The following ZNF704 variants were observed in gnomAD, a reference collection of about 807,000 sequenced individuals.
ZNF704 encodes the protein zinc finger protein 704.
Under a neutral mutation model 44.7 loss-of-function variants are expected in ZNF704, and 10 were observed. That is an observed-to-expected ratio of 0.22 (90% confidence interval 0.14 to 0.38). The LOEUF (loss-of-function observed/expected upper bound fraction) is 0.38. Ranked by LOEUF, ZNF704 falls within the 10% of genes least tolerant of loss-of-function variation. The probability of loss-of-function intolerance (pLI) is 1.00; values close to 1 mark genes in which losing one functional copy is unlikely to be tolerated. For synonymous variants in ZNF704, 211 were observed against 207.6 expected (o/e 1.02, Z -0.14); for missense variants, 390 against 545.5 (o/e 0.71, Z 2.84).
chr8:80,734,225 GAC>G, intron 2 of ZNF704, among the ~76,000 whole-genome samples: 2 of 152,286 alleles, frequency 1.3e-5, no homozygotes, highest in Middle Eastern at 3.4e-3. Context: ...TTCAGAGAAG[GAC>G]ACAGACTCCA....
chr8:80,873,302 C>A (rs1344528712), intron 1 of ZNF704, among the ~76,000 whole-genome samples: 1 of 152,192 alleles, frequency 6.6e-6, no homozygotes, highest in Non-Finnish European at 1.5e-5. Context: ...AAACCCGACA[C>A]GGCCTTTGAG....
In ZNF704 at chr8:80,775,475, T is replaced by C. The variant is rs1025401688; in HGVS notation, c.221+45899A>G. On this transcript the variant is annotated intron_variant, in intron 2 of 8. Transcript: ENST00000327835. ...CCATGCAAAGTGCCTAAAGGTAAAA[T>C]AAATGATAAAGAAATTTTCAGCAAG... 3.3e-5 allele frequency among the ~76,000 whole-genome samples: 5 copies of C among 152,290 alleles called. No individual in the cohort carries two copies. The South Asian group carries it at 6.2e-4, about 19-fold the overall frequency.
chr8:80,644,957 T>C, intron 7 of ZNF704: 1 of 1,133,460 alleles, frequency 8.8e-7, no homozygotes, highest in Non-Finnish European at 1.3e-6. Flanking sequence ...TCTCGGGTAG[T>C]GGGTGCCGGA....
At chr8:80,771,457 GA>G (rs1476647334) in intron 2 of ZNF704, among the ~76,000 whole-genome samples, 7 of 151,982 alleles carry the variant, frequency 4.6e-5, no homozygotes, top group African/African-American at 1.7e-4. Flanking sequence ...TTTTCTTTGA[GA>G]AATTTTAAAT....
intron 1 of ZNF704, among the ~76,000 whole-genome samples, chr8:80,873,386 C>T: frequency 1.3e-5 from 2 of 151,190 alleles, no homozygotes; most frequent in South Asian, 4.1e-4. Context: ...CTCGCGCTGC[C>T]CCGCGCGGCC....
chr8:80,683,878 C>T (rs73692001), intron 4 of ZNF704, among the ~76,000 whole-genome samples: 1,614 of 152,292 alleles, frequency 0.011, 34 homozygotes, highest in African/African-American at 0.036. Flanking sequence ...GGGAGTGAGC[C>T]ATCTCTGTGT....
intron 1 of ZNF704, among the ~76,000 whole-genome samples, chr8:80,838,933 G>T (rs1161211023): frequency 6.6e-6 from 1 of 152,198 alleles, no homozygotes; most frequent in Non-Finnish European, 1.5e-5. Context: ...GAAACAGAGG[G>T]CAGGAGAGTC....
chr8:80,805,518 A>C (rs888173236), intron 2 of ZNF704, among the ~76,000 whole-genome samples: 3 of 152,222 alleles, frequency 2.0e-5, no homozygotes, highest in African/African-American at 7.2e-5. Flanking sequence ...CCTAAGAGAA[A>C]TGTAGAAAGT....
rs76982774 is a variant in ZNF704 at position 80,784,912 on chromosome 8, G to T, written c.221+36462C>A. On this transcript the variant is annotated intron_variant, in intron 2 of 8. Coordinates refer to ENST00000327835, the MANE Select transcript of ZNF704 (RefSeq NM_001033723.3). ...TTTTGATTGACAGAAAAACTGAGAC[G>T]ATAGTGTGGAGTTCCCATACAGCCC... is the stretch of plus-strand genomic sequence containing the variant. 2.6e-5 allele frequency among the ~76,000 whole-genome samples: 4 copies of T among 152,180 alleles called. No individual in the cohort carries two copies. The East Asian group carries it at 7.7e-4, about 29-fold the overall frequency.
intron 7 of ZNF704, among the ~76,000 whole-genome samples, chr8:80,653,007 G>C (rs1279834353): frequency 1.3e-5 from 2 of 152,148 alleles, no homozygotes; most frequent in East Asian, 3.9e-4. Context: ...TGCAAGGCTG[G>C]TTCAACATAC....
intron 2 of ZNF704, among the ~76,000 whole-genome samples, chr8:80,819,934 C>T (rs114349171): frequency 1.5e-3 from 232 of 152,250 alleles, no homozygotes; most frequent in African/African-American, 5.3e-3. Flanking sequence ...AATTACAAAA[C>T]GTGAACAGGC....
chr8:80,782,310 C>G (rs34754555), intron 2 of ZNF704, among the ~76,000 whole-genome samples: 16,248 of 152,182 alleles, frequency 0.11, 1,140 homozygotes, highest in East Asian at 0.21. Flanking sequence ...ATGTAATTGT[C>G]TGCATTTACA....
intron 1 of ZNF704, among the ~76,000 whole-genome samples, chr8:80,844,677 TATTTC>T (rs1563574430): frequency 6.6e-6 from 1 of 152,188 alleles, no homozygotes; most frequent in African/African-American, 2.4e-5. Context: ...CTATTTTTCT[TATTTC>T]ATTTCATCTT....
At chr8:80,831,480 T>C (rs906736277) in intron 1 of ZNF704, among the ~76,000 whole-genome samples, 1 of 152,220 alleles carries the variant, frequency 6.6e-6, no homozygotes, top group South Asian at 2.1e-4. Flanking sequence ...ATGTGATTCA[T>C]AAATATGAGC....
chr8:80,642,364 G>A (rs1817756946), intron 8 of ZNF704, among the ~76,000 whole-genome samples: 1 of 152,072 alleles, frequency 6.6e-6, no homozygotes, highest in African/African-American at 2.4e-5. Context: ...CACCACTCTT[G>A]CACTTTGGGT....
intron 1 of ZNF704, among the ~76,000 whole-genome samples, chr8:80,823,922 G>A (rs995391527): frequency 7.2e-5 from 11 of 152,186 alleles, no homozygotes; most frequent in Non-Finnish European, 1.3e-4. Flanking sequence ...CCATCTGTAC[G>A]TCACCATCAT....
At chr8:80,817,675 T>C (rs1271507730) in intron 2 of ZNF704, among the ~76,000 whole-genome samples, 1 of 152,228 alleles carries the variant, frequency 6.6e-6, no homozygotes, top group Non-Finnish European at 1.5e-5. Context: ...TAAAATTGGT[T>C]CTCAAATATT....
intron 1 of ZNF704, among the ~76,000 whole-genome samples, chr8:80,861,715 C>T (rs555465435): frequency 1.1e-4 from 17 of 151,940 alleles, no homozygotes; most frequent in African/African-American, 3.4e-4. Context: ...CTCCCTCAAT[C>T]CCATCACTTA....
At chr8:80,677,276 G>A (rs967657578) in intron 4 of ZNF704, among the ~76,000 whole-genome samples, 1 of 152,166 alleles carries the variant, frequency 6.6e-6, no homozygotes, top group Non-Finnish European at 1.5e-5. Flanking sequence ...GCCATAACAA[G>A]TACTATTTAC....
Sources: allele counts gnomAD v4.1 joint callset (sites outside exome capture counted in the v4.1 genomes callset), GRCh38; gene constraint gnomAD v4.1.1; transcripts MANE v1.5; gene names NCBI Gene and HGNC (gene_info 2026-07-23, HGNC 2026-07-21).